The following CTIF variants were observed in gnomAD, a reference collection of about 807,000 sequenced individuals.
CTIF encodes cap binding complex dependent translation initiation factor.
CTIF carries 21 observed loss-of-function variants against 66.0 expected under a neutral mutation model. The ratio of observed to expected loss-of-function variants is 0.32; its 90% CI spans 0.23 to 0.46. The LOEUF (loss-of-function observed/expected upper bound fraction) is 0.46, where lower values mean the gene tolerates loss of function less well. CTIF is among the 20% of genes least tolerant of loss of function. CTIF has a pLI of 1.00. For missense variants in CTIF, 739 were observed against 812.7 expected (o/e 0.91, Z 1.10); for synonymous variants, 345 against 326.4 (o/e 1.06, Z -0.62).
chr18:48,789,511 G>A (rs919750767), intron 9 of CTIF, among the ~76,000 whole-genome samples: 1 of 152,186 alleles, frequency 6.6e-6, no homozygotes, highest in African/African-American at 2.4e-5. Flanking sequence ...GATTCATCAG[G>A]TGTGCACTAA....
chr18:48,797,452 C>A (rs965871018), intron 9 of CTIF, among the ~76,000 whole-genome samples: 3 of 146,098 alleles, frequency 2.1e-5, no homozygotes, highest in Non-Finnish European at 4.4e-5. Flanking sequence ...CACTGCATTC[C>A]AGCCTGGGTG....
At chr18:48,701,838 C>T (rs887268591) in intron 6 of CTIF, among the ~76,000 whole-genome samples, 11 of 152,146 alleles carry the variant, frequency 7.2e-5, no homozygotes, top group African/African-American at 2.4e-4. Flanking sequence ...AAGGGAGGGG[C>T]CATGTCTGCT....
intron 1 of CTIF, among the ~76,000 whole-genome samples, chr18:48,563,965 C>A (rs1248598069): frequency 6.6e-6 from 1 of 152,168 alleles, no homozygotes; most frequent in Non-Finnish European, 1.5e-5. Context: ...TCAAAGACTT[C>A]CTGAGAACCC....
chr18:48,711,820 G>T, intron 7 of CTIF, 125 bp downstream of exon 7: 1 of 775,144 alleles, frequency 1.3e-6, no homozygotes, highest in Non-Finnish European at 2.2e-6. Context: ...GATGGGGTTG[G>T]TGGCATCGTG....
chr18:48,617,207 A>C (rs1568076496), intron 1 of CTIF, among the ~76,000 whole-genome samples: 1 of 152,182 alleles, frequency 6.6e-6, no homozygotes, highest in Non-Finnish European at 1.5e-5. Flanking sequence ...GAGGCTGCCC[A>C]CATGCCTTAC....
intron 9 of CTIF, among the ~76,000 whole-genome samples, chr18:48,771,220 C>G (rs1284459266): frequency 6.6e-6 from 1 of 152,168 alleles, no homozygotes; most frequent in Non-Finnish European, 1.5e-5. Flanking sequence ...CTTCTGGGCT[C>G]CCCTGTTTAA....
In CTIF at chr18:48,634,932, A is replaced by T. The variant is rs538040374; in HGVS notation, c.181-1682A>T. On this transcript the variant is annotated intron_variant, in intron 2 of 11. Coordinates refer to ENST00000256413, the MANE Select transcript of CTIF (RefSeq NM_014772.3). ...ATCTCATTAACAACTTTTCATATTGATTACCTGTTGAAGTGATAATATTTT... is the reference window on the plus strand; with the variant it reads ...ATCTCATTAACAACTTTTCATATTGTTTACCTGTTGAAGTGATAATATTTT... 1.6e-4 allele frequency among the ~76,000 whole-genome samples: 25 copies of T among 152,354 alleles called. No individual in the cohort carries two copies. In the South Asian group the frequency reaches 4.6e-3, roughly 28 times the overall value.
At chr18:48,584,749 C>T (rs1408036753) in intron 1 of CTIF, among the ~76,000 whole-genome samples, 1 of 152,232 alleles carries the variant, frequency 6.6e-6, no homozygotes, top group South Asian at 2.1e-4. Context: ...TGACGATCTC[C>T]AAGGCCAGGA....
chr18:48,589,569 A>G (rs1247667330), intron 1 of CTIF, among the ~76,000 whole-genome samples: 1 of 152,156 alleles, frequency 6.6e-6, no homozygotes. Context: ...AGGAGGGAGG[A>G]CACAGCTGAG....
intron 1 of CTIF, among the ~76,000 whole-genome samples, chr18:48,609,508 A>C (rs2090268246): frequency 6.6e-6 from 1 of 152,178 alleles, no homozygotes; most frequent in South Asian, 2.1e-4. Flanking sequence ...CATGATTCTC[A>C]CAGCACCTCA....
chr18:48,625,189 G>T, intron 2 of CTIF: 3 of 984,438 alleles, frequency 3.0e-6, no homozygotes, highest in Non-Finnish European at 3.6e-6. Flanking sequence ...TTGCTCACAG[G>T]AGGAAGTACT....
chr18:48,655,876 A>G (rs1283107970), intron 3 of CTIF, among the ~76,000 whole-genome samples: 2 of 152,226 alleles, frequency 1.3e-5, no homozygotes, highest in Non-Finnish European at 2.9e-5. Context: ...TGGAATTGTC[A>G]TTACACACAT....
intron 6 of CTIF, among the ~76,000 whole-genome samples, chr18:48,685,447 T>A (rs919757052): frequency 1.3e-5 from 2 of 151,968 alleles, no homozygotes; most frequent in African/African-American, 4.8e-5. Flanking sequence ...GGTCTTGAAT[T>A]CCTGACATCA....
chr18:48,797,492 A>AGGGGGGG, intron 9 of CTIF, among the ~76,000 whole-genome samples: 1 of 129,866 alleles, frequency 7.7e-6, no homozygotes, highest in African/African-American at 3.1e-5. Flanking sequence ...AAAAAAGAAA[A>AGGGGGGG]GGGGTGGGGG....
chr18:48,808,969 A>G (rs1372072442), intron 9 of CTIF, among the ~76,000 whole-genome samples: 1 of 152,344 alleles, frequency 6.6e-6, no homozygotes, highest in East Asian at 1.9e-4. Context: ...CCTGTGAATT[A>G]TTTCAAAGAG....
chr18:48,595,916 C>T (rs2089980093), intron 1 of CTIF, among the ~76,000 whole-genome samples: 1 of 152,138 alleles, frequency 6.6e-6, no homozygotes, highest in African/African-American at 2.4e-5. Flanking sequence ...GAGTTGTCCA[C>T]AGTTCCTCTC....
At chr18:48,729,165 A>T (rs564699901) in intron 7 of CTIF, among the ~76,000 whole-genome samples, 128 of 152,234 alleles carry the variant, frequency 8.4e-4, no homozygotes, top group Non-Finnish European at 1.6e-3. Context: ...GAAGATTTGA[A>T]GCCAGGGGAT....
chr18:48,646,728 C>G (rs2091038104), intron 3 of CTIF, among the ~76,000 whole-genome samples: 1 of 147,124 alleles, frequency 6.8e-6, no homozygotes, highest in African/African-American at 2.6e-5. Context: ...GCCTGGGTAA[C>G]AGCGAGACCC....
chr18:48,807,908 A>G (rs1348481869), intron 9 of CTIF, among the ~76,000 whole-genome samples: 1 of 152,150 alleles, frequency 6.6e-6, no homozygotes, highest in Non-Finnish European at 1.5e-5. Flanking sequence ...TAATGGATGC[A>G]TGAATCATCA....
Sources: allele counts gnomAD v4.1 joint callset (sites outside exome capture counted in the v4.1 genomes callset), GRCh38; gene constraint gnomAD v4.1.1; transcripts MANE v1.5; gene names NCBI Gene and HGNC (gene_info 2026-07-23, HGNC 2026-07-21).